KIF1A: variants seen among roughly 807,000 people sequenced by gnomAD.
The protein encoded by KIF1A is kinesin-like protein KIF1A.
A neutral mutation model predicts 227.3 loss-of-function variants in KIF1A; 46 were observed. The ratio of observed to expected loss-of-function variants is 0.20; its 90% CI spans 0.16 to 0.26. KIF1A has a LOEUF of 0.26. Among genes scored for constraint, KIF1A ranks in the 10% least tolerant of loss-of-function variants. KIF1A has a pLI of 1.00. For synonymous variants in KIF1A, 1,022 were observed against 1,012.8 expected (o/e 1.01, Z -0.17); for missense variants, 1,683 against 2,485.9 (o/e 0.68, Z 6.87).
intron 27 of KIF1A, among the ~76,000 whole-genome samples, chr2:240,756,554 G>T (rs1297846459): frequency 6.6e-6 from 1 of 152,256 alleles, no homozygotes; most frequent in Non-Finnish European, 1.5e-5. Flanking sequence ...CTCTGCAAAG[G>T]GCACATTCCA....
intron 46 of KIF1A, 114 bp downstream of exon 46, chr2:240,719,660 C>T (rs976357528): frequency 8.0e-7 from 1 of 1,253,938 alleles, no homozygotes; most frequent in African/African-American, 1.5e-5. Context: ...GGCAACCTGT[C>T]TGTCTCCCCA....
intron 46 of KIF1A, 23 bp from the exon 47 acceptor site, chr2:240,719,221 G>T: frequency 6.3e-7 from 1 of 1,583,186 alleles, no homozygotes; most frequent in Admixed American, 1.8e-5. Flanking sequence ...AGAGCTGCTC[G>T]CTGGGGCCCT....
chr2:240,731,193 C>A (rs1418325322), intron 38 of KIF1A, among the ~76,000 whole-genome samples: 1 of 152,068 alleles, frequency 6.6e-6, no homozygotes, highest in African/African-American at 2.4e-5. Flanking sequence ...GGAGGAGGGC[C>A]CACTGCAGCT....
At position 240,781,929 on chromosome 2, in the gene KIF1A, C is replaced by CA. The variant is rs1185608319; in HGVS notation, c.882+660dup. On this transcript the variant is annotated intron_variant, in intron 10 of 48. Transcript: ENST00000498729. ...GGGCCGCACAGCTCTTCACAATTCA[C>CA]ACAGTTCTCTGTCCCCACACAGCCA... 1.2e-5 allele frequency: 12 copies of CA among 985,436 alleles called. No individual in the cohort carries two copies. The East Asian group carries it at 1.1e-3, about 93-fold the overall frequency. 61.0% of individuals were successfully genotyped at this position (985,436 alleles called of 1,614,324 possible). A position where few individuals can be genotyped will look rare whatever the true frequency, so the allele number is the denominator to read the frequency against.
At chr2:240,742,544 G>A (rs570922088) in intron 34 of KIF1A, among the ~76,000 whole-genome samples, 9 of 152,108 alleles carry the variant, frequency 5.9e-5, no homozygotes, top group East Asian at 1.9e-4. Context: ...ACTTCTCCCC[G>A]ACTGACCCCA....
chr2:240,793,138 C>T lies in KIF1A; in HGVS notation c.107-3826G>A, dbSNP rs1189685447. Among the ~76,000 whole-genome samples the T allele has an allele frequency of 6.6e-6, 1 of 152,232 alleles. No individual in the cohort carries two copies. Among genetic ancestry groups the T allele is most frequent in the African/African-American group, 2.4e-5 (1 of 41,462 alleles). ...CCCGTGCAGAGGGGCTTGCCCAGGT[C>T]CCCGACTGCTCGGGATTGGGGGAGC... On this transcript the variant is annotated intron_variant, in intron 2 of 48. Transcript: ENST00000498729. The surrounding 1 kb of genome is among the most constrained non-coding windows in gnomAD (Gnocchi z 4.8).
rs2044928015 is a variant in KIF1A at position 240,719,025 on chromosome 2, T to C, written c.5195A>G (p.Asp1732Gly). 6.2e-7 allele frequency: 1 copy of C among 1,609,102 alleles called. No homozygotes were observed. The highest frequency in any genetic ancestry group is 1.7e-4 in the Middle Eastern group (1 of 6,020). The part of the protein sequence containing the change: ...LATAQVEYSE[D>G]QQAMLKTPNT... ...CCGCACCTTGAGCATAGCCTGCTGG[T>C]CCTCACTGTACTCCACCTGGGCAGT... Residue 1732 changes from aspartate to glycine, a missense_variant, in exon 47 of 49, where the codon GAC (aspartate) becomes GGC (glycine). This residue lies in a region of KIF1A where 384 missense variants were observed against 410.1 expected (regional missense o/e 0.94). Coordinates refer to ENST00000498729, the MANE Select transcript of KIF1A (RefSeq NM_001244008.2).
At chr2:240,745,542 G>GT (rs1419372717) in intron 31 of KIF1A, 25 bp from the exon 32 acceptor site, 1 of 1,581,630 alleles carries the variant, frequency 6.3e-7, no homozygotes. Context: ...AGATGCTTTG[G>GT]TGTGGGGTGG....
rs1403903729 is a variant in KIF1A, at chr2:240,774,397, C to CA, written c.959-137_959-136insT. ...TAAACTGAGTCACAGGCTTACCCCC[C>CA]CCCCCACCCCCACCCCATGAACACA... On this transcript the variant is annotated intron_variant, in intron 11 of 48. Coordinates refer to ENST00000498729, the MANE Select transcript of KIF1A (RefSeq NM_001244008.2). The CA allele has an allele frequency of 3.3e-5, 14 of 424,828 alleles. 1 individual carries two copies. Among genetic ancestry groups the CA allele is most frequent in the South Asian group, 2.3e-4 (6 of 26,580 alleles). The allele number at this position is 424,828 out of a possible 1,614,324, so 26.3% of individuals were successfully genotyped here. A position where few individuals can be genotyped will look rare whatever the true frequency, so the allele number is the denominator to read the frequency against.
chr2:240,818,739 C>G (rs1341305671), intron 1 of KIF1A: 1 of 152,434 alleles, frequency 6.6e-6, no homozygotes, highest in Non-Finnish European at 1.5e-5. Context: ...AGCCTGAGTG[C>G]GACCTGGTGT....
chr2:240,762,590 C>T (rs533545628), intron 23 of KIF1A, 129 bp downstream of exon 23: 6 of 1,313,590 alleles, frequency 4.6e-6, no homozygotes, highest in African/African-American at 1.5e-5. Context: ...GAGGTCTTTC[C>T]CTAAAGAGAC....
chr2:240,754,393 C>T (rs895917366), intron 27 of KIF1A, among the ~76,000 whole-genome samples: 3 of 152,112 alleles, frequency 2.0e-5, no homozygotes, highest in Non-Finnish European at 4.4e-5. Context: ...CTGCCTGGCT[C>T]GGTGATAGAC....
chr2:240,771,750 A>G (rs1177708591), intron 14 of KIF1A, among the ~76,000 whole-genome samples: 2 of 152,122 alleles, frequency 1.3e-5, no homozygotes, highest in African/African-American at 4.8e-5. Flanking sequence ...TGGCCCAGAG[A>G]CCATCCTGGA....
In KIF1A at chr2:240,740,824, G is replaced by A. The variant is rs2047871147; in HGVS notation, c.3749+445C>T. 6.6e-6 allele frequency among the ~76,000 whole-genome samples: 1 copy of A among 152,066 alleles called. No homozygotes were observed. The highest frequency in any genetic ancestry group is 6.5e-5 in the Admixed American group (1 of 15,274). ...ACTCTGAGCTGCCAGCCACAGCCCA[G>A]CTCCCAGCTGCCCCCAGGGCACCAG... On this transcript the variant is annotated intron_variant, in intron 35 of 48. Transcript: ENST00000498729. This position sits in a 1 kb window ranked among gnomAD's most constrained non-coding sequence, Gnocchi z 6.1.
chr2:240,773,171 C>T lies in KIF1A; in HGVS notation c.1123G>A (p.Glu375Lys). 1 of 1,613,994 alleles carries T rather than the reference C, an allele frequency of 6.2e-7. No homozygotes were observed. Among genetic ancestry groups the T allele is most frequent in the African/African-American group, 1.3e-5 (1 of 75,058 alleles). Residue 375 changes from glutamate to lysine, a missense_variant, in exon 13 of 49, where the codon GAG (glutamate) becomes AAG (lysine). By Grantham distance (56) the Glu-to-Lys change is moderately conservative. Around this residue, in one of 12 missense-constraint regions of KIF1A, gnomAD observed 110 missense variants for 133.1 expected, o/e 0.83. Transcript: ENST00000498729. Reference protein sequence around the residue: ...NNKLIRELKDEVTRLRDLLYA... With the variant: ...NNKLIRELKDKVTRLRDLLYA... ...AGAAGGTCCCGCAGCCGGGTCACCT[C>T]ATCCTTCAGCTCGCGGATCAGCTTG...
At chr2:240,733,278 C>T (rs911214445) in intron 38 of KIF1A, among the ~76,000 whole-genome samples, 9 of 152,066 alleles carry the variant, frequency 5.9e-5, no homozygotes, top group Admixed American at 3.9e-4. Context: ...CAGATCTTTC[C>T]GAGCATGGGG....
rs1042728393 is a variant in KIF1A, at chr2:240,757,671, T to C, written c.2583-77A>G. Reference sequence around the variant, plus strand: ...GACGAACAGGGGCCGGGGCCGGGGCTGGGGGGCTTCTGTTTAAAACCAAAA... The same window carrying C: ...GACGAACAGGGGCCGGGGCCGGGGCCGGGGGGCTTCTGTTTAAAACCAAAA... On this transcript the variant is annotated intron_variant, in intron 26 of 48. Transcript: ENST00000498729. This position sits in a 1 kb window ranked among gnomAD's most constrained non-coding sequence, Gnocchi z 6.2. The C allele has an allele frequency of 7.0e-7, 1 of 1,424,250 alleles. No homozygotes were observed. The highest frequency in any genetic ancestry group is 9.5e-7 in the Non-Finnish European group (1 of 1,056,742). 88.2% of individuals were successfully genotyped at this position (1,424,250 alleles called of 1,614,324 possible).
chr2:240,744,125 G>C, intron 32 of KIF1A, 65 bp from the exon 33 acceptor site: 1 of 1,093,550 alleles, frequency 9.1e-7, no homozygotes, highest in Non-Finnish European at 1.4e-6. Context: ...GGGAAGGAGA[G>C]TCACATCAGT....
At chr2:240,760,587 G>T in intron 25 of KIF1A, 78 bp downstream of exon 25, 5 of 1,180,618 alleles carry the variant, frequency 4.2e-6, no homozygotes, top group Non-Finnish European at 5.7e-6. Context: ...TGAAGCCTGT[G>T]CCTACCACCG....
Sources: gnomAD v4.1 joint callset for allele counts (sites outside exome capture counted in the v4.1 genomes callset) on GRCh38, gnomAD v4.1.1 for gene constraint, gnomAD v4.1.1 regional missense constraint, Gnocchi (gnomAD v3.1) non-coding constraint, MANE v1.5 for transcripts, NCBI Gene and HGNC (gene_info 2026-07-23, HGNC 2026-07-21) for gene names.